The following RANBP2 variants were observed in gnomAD, a reference collection of about 807,000 sequenced individuals.
RANBP2 encodes the protein E3 SUMO-protein ligase RanBP2.
RANBP2 carries 57 observed loss-of-function variants against 303.6 expected under a neutral mutation model. That is an observed-to-expected ratio of 0.19 (90% CI 0.15 to 0.23). The LOEUF is 0.23. Among genes scored for constraint, RANBP2 ranks in the 10% least tolerant of loss-of-function variants. RANBP2 has a pLI of 1.00. For missense variants in RANBP2, 3,138 were observed against 3,780.8 expected, an observed-to-expected ratio of 0.83 and a Z score of 4.46; for synonymous variants, 1,167 against 1,301.5, an observed-to-expected ratio of 0.90 and a Z score of 2.23.
At chr2:108,966,222 G>A in the RANBP2 span, among the ~76,000 whole-genome samples, 14,239 of 152,208 alleles carry the variant, frequency 0.094, 920 homozygotes, top group African/African-American at 0.19. Context: ...GCAAAGACCT[G>A]TCTGCCTTGC....
At chr2:109,470,033 G>GCGTCCTGT in the RANBP2 span, among the ~76,000 whole-genome samples, 4 of 152,150 alleles carry the variant, frequency 2.6e-5, no homozygotes, top group Non-Finnish European at 4.4e-5. Context: ...CACTCTTCGT[G>GCGTCCTGT]CGTCCTGTCT....
At chr2:109,760,626 A>T in the RANBP2 span, among the ~76,000 whole-genome samples, 2 of 140,190 alleles carry the variant, frequency 1.4e-5, no homozygotes, top group Non-Finnish European at 1.5e-5. Flanking sequence ...GCTGGGATGC[A>T]CCTTGAGCGG....
chr2:109,411,990 A>G, the RANBP2 span, among the ~76,000 whole-genome samples: 3 of 151,950 alleles, frequency 2.0e-5, no homozygotes, highest in South Asian at 4.2e-4. Flanking sequence ...AAGGCCCCAG[A>G]CCCCTGAATG....
intron 3 of RANBP2, among the ~76,000 whole-genome samples, chr2:108,731,099 TTTTTGTA>T (rs1402106485): frequency 6.6e-6 from 1 of 152,196 alleles, no homozygotes; most frequent in Non-Finnish European, 1.5e-5. Flanking sequence ...TCTTTTGTGT[TTTTTGTA>T]TTCAAATGAC....
At chr2:108,878,113 G>A in the RANBP2 span, among the ~76,000 whole-genome samples, 1 of 152,172 alleles carries the variant, frequency 6.6e-6, no homozygotes, top group Non-Finnish European at 1.5e-5. Flanking sequence ...AGAGATGAAA[G>A]AAAACAGTTT....
At chr2:108,918,573 T>A in the RANBP2 span, among the ~76,000 whole-genome samples, 591 of 152,276 alleles carry the variant, frequency 3.9e-3, 5 homozygotes, top group African/African-American at 0.013. Context: ...CAAGGCCTAT[T>A]TTAAAGTGAA....
chr2:109,215,814 G>A, the RANBP2 span, among the ~76,000 whole-genome samples: 6 of 152,148 alleles, frequency 3.9e-5, no homozygotes, highest in African/African-American at 1.2e-4. Flanking sequence ...CTGTGTTCAG[G>A]TTGCACGAGT....
At chr2:109,427,264 T>C in the RANBP2 span, among the ~76,000 whole-genome samples, 93,212 of 152,122 alleles carry the variant, frequency 0.61, 30,229 homozygotes, top group African/African-American at 0.83. Context: ...TCACCGTGCC[T>C]GGACAAAGAA....
chr2:109,438,460 A>G, the RANBP2 span, among the ~76,000 whole-genome samples: 3 of 152,214 alleles, frequency 2.0e-5, no homozygotes, highest in Non-Finnish European at 2.9e-5. Flanking sequence ...ATTTAGCACT[A>G]GGAAAGCTTC....
At chr2:109,075,076 T>C in the RANBP2 span, among the ~76,000 whole-genome samples, 1 of 133,150 alleles carries the variant, frequency 7.5e-6, no homozygotes, top group Non-Finnish European at 1.6e-5. Flanking sequence ...AGATCTCAAG[T>C]AAATTGAGCT....
At chr2:109,270,532 C>T in the RANBP2 span, among the ~76,000 whole-genome samples, 1 of 152,160 alleles carries the variant, frequency 6.6e-6, no homozygotes, top group Non-Finnish European at 1.5e-5. Flanking sequence ...CCCATCCATT[C>T]CTCTGTGATC....
chr2:109,125,379 G>A, the RANBP2 span, among the ~76,000 whole-genome samples: 3 of 152,116 alleles, frequency 2.0e-5, no homozygotes, highest in African/African-American at 4.8e-5. Flanking sequence ...ATTTTGGGCC[G>A]CCAAAAACCT....
At chr2:108,995,680 C>T in the RANBP2 span, among the ~76,000 whole-genome samples, 5 of 152,304 alleles carry the variant, frequency 3.3e-5, no homozygotes, top group South Asian at 6.2e-4. Context: ...GATGTTGCCG[C>T]GTGCTTCAGA....
the RANBP2 span, among the ~76,000 whole-genome samples, chr2:109,161,526 A>T: frequency 1.3e-5 from 2 of 151,824 alleles, no homozygotes; most frequent in African/African-American, 4.9e-5. Flanking sequence ...TGGGGAGGGG[A>T]ACATGTCTTA....
the RANBP2 span, among the ~76,000 whole-genome samples, chr2:109,170,359 C>A: frequency 6.8e-6 from 1 of 147,216 alleles, no homozygotes; most frequent in South Asian, 2.2e-4. Context: ...TTCTTTCTTT[C>A]TTTTTTGACC....
chr2:109,380,394 C>T, the RANBP2 span, among the ~76,000 whole-genome samples: 962 of 152,278 alleles, frequency 6.3e-3, 10 homozygotes, highest in East Asian at 0.047. Flanking sequence ...GGGTGGGGCC[C>T]AGGTGCTAGC....
the RANBP2 span, among the ~76,000 whole-genome samples, chr2:109,269,236 C>T: frequency 6.6e-6 from 1 of 152,178 alleles, no homozygotes; most frequent in Non-Finnish European, 1.5e-5. Flanking sequence ...GAGCCAGATT[C>T]CCAAGTTCTC....
the RANBP2 span, chr2:109,419,497 G>A: frequency 5.2e-6 from 8 of 1,544,690 alleles, no homozygotes; most frequent in Non-Finnish European, 7.0e-6. Context: ...CTTGGATGGA[G>A]TCTCTGTCTC....
chr2:109,316,924 T>C, the RANBP2 span, among the ~76,000 whole-genome samples: 1 of 152,180 alleles, frequency 6.6e-6, no homozygotes, highest in Non-Finnish European at 1.5e-5. Flanking sequence ...CAGACTGGCT[T>C]CTCTCTCTTA....
Sources: gnomAD v4.1 joint callset for allele counts (sites outside exome capture counted in the v4.1 genomes callset) on GRCh38, gnomAD v4.1.1 for gene constraint, MANE v1.5 for transcripts, NCBI Gene and HGNC (gene_info 2026-07-23, HGNC 2026-07-21) for gene names.